The following ERBB4 variants were observed in gnomAD, a reference collection of about 807,000 sequenced individuals.
ERBB4 encodes the protein erb-b2 receptor tyrosine kinase 4.
A neutral mutation model predicts 158.0 loss-of-function variants in ERBB4; 42 were observed. The ratio of observed to expected loss-of-function variants is 0.27; its 90% CI spans 0.21 to 0.34. The LOEUF (loss-of-function observed/expected upper bound fraction) is 0.34, where lower values mean the gene tolerates loss of function less well. ERBB4 is among the 10% of genes least tolerant of loss of function. ERBB4 has a pLI of 1.00. For missense variants in ERBB4, 1,333 were observed against 1,624.1 expected (o/e 0.82, Z 3.08); for synonymous variants, 583 against 558.7 (o/e 1.04, Z -0.61).
chr2:212,215,512 T>C (rs986329354), intron 1 of ERBB4, among the ~76,000 whole-genome samples: 29 of 151,406 alleles, frequency 1.9e-4, no homozygotes, highest in African/African-American at 6.0e-4. Context: ...ATAAGTCTGG[T>C]ATATTTTATA....
At position 211,654,939 on chromosome 2, in the gene ERBB4, G is replaced by C. The variant is rs571149796; in HGVS notation, c.1946+2815C>G. Among the ~76,000 whole-genome samples the C allele has an allele frequency of 9.8e-5, 15 of 152,292 alleles. 1 individual carries two copies. In the South Asian group the frequency reaches 3.1e-3, roughly 32 times the overall value. On this transcript the variant is annotated intron_variant, in intron 16 of 27. Coordinates refer to ENST00000342788, the MANE Select transcript of ERBB4 (RefSeq NM_005235.3). The stretch of plus-strand genomic sequence containing the variant: ...TTAGTCTGAGATTACTGGAATCTCA[G>C]AGTGAATATGTCCTGGAAACCGAAG...
intron 1 of ERBB4, among the ~76,000 whole-genome samples, chr2:212,484,370 G>A (rs919092997): frequency 1.3e-5 from 2 of 151,788 alleles, no homozygotes; most frequent in Non-Finnish European, 2.9e-5. Flanking sequence ...TGAGTTACCC[G>A]TTCACATATA....
intron 20 of ERBB4, among the ~76,000 whole-genome samples, chr2:211,436,847 A>G (rs971585881): frequency 4.6e-5 from 7 of 152,204 alleles, no homozygotes; most frequent in African/African-American, 1.7e-4. Flanking sequence ...GAAGAAAGAA[A>G]AATTAGGAGA....
intron 3 of ERBB4, among the ~76,000 whole-genome samples, chr2:211,942,330 T>TTTTATTTATTTA (rs200095181): frequency 7.6e-4 from 111 of 145,826 alleles, no homozygotes; most frequent in African/African-American, 2.2e-3. Context: ...GGATGAAGCA[T>TTTTATTTATTTA]TTTATTTATT....
At chr2:212,097,536 G>T (rs916580693) in intron 2 of ERBB4, among the ~76,000 whole-genome samples, 1 of 152,130 alleles carries the variant, frequency 6.6e-6, no homozygotes, top group Non-Finnish European at 1.5e-5. Context: ...GGATTTAAGA[G>T]ATAGATTTGG....
chr2:211,778,685 C>T (rs1009205508), intron 4 of ERBB4: 1 of 152,182 alleles, frequency 6.6e-6, no homozygotes, highest in Non-Finnish European at 1.5e-5. Flanking sequence ...CATGCAGGAG[C>T]CTCTGTGAAC....
intron 20 of ERBB4, among the ~76,000 whole-genome samples, chr2:211,524,675 G>A (rs1296843172): frequency 5.0e-5 from 6 of 119,764 alleles, no homozygotes; most frequent in African/African-American, 9.3e-5. Flanking sequence ...CTCCGAGTGC[G>A]GGGCCGCCAA....
At chr2:211,524,077 T>C (rs1217891414) in intron 20 of ERBB4, among the ~76,000 whole-genome samples, 2 of 152,126 alleles carry the variant, frequency 1.3e-5, no homozygotes, top group African/African-American at 4.8e-5. Flanking sequence ...AGGGTGCTGA[T>C]TGGTGTGTTT....
At chr2:211,718,670 T>A (rs747800196) in intron 7 of ERBB4, among the ~76,000 whole-genome samples, 36 of 152,010 alleles carry the variant, frequency 2.4e-4, no homozygotes, top group Non-Finnish European at 4.3e-4. Context: ...ACTAAATTTA[T>A]ATACTACTGA....
intron 1 of ERBB4, among the ~76,000 whole-genome samples, chr2:212,180,305 T>G (rs532471251): frequency 9.9e-4 from 151 of 151,768 alleles, no homozygotes; most frequent in African/African-American, 3.6e-3. Flanking sequence ...TAAGCATATT[T>G]TTTTCTTGGA....
intron 1 of ERBB4, among the ~76,000 whole-genome samples, chr2:212,274,160 T>C (rs1345084048): frequency 2.6e-5 from 4 of 151,842 alleles, no homozygotes; most frequent in Non-Finnish European, 5.9e-5. Context: ...CTGTATATTA[T>C]CTCTTTACAA....
intron 2 of ERBB4, among the ~76,000 whole-genome samples, chr2:212,092,132 A>C (rs2078798108): frequency 1.3e-5 from 2 of 152,196 alleles, no homozygotes; most frequent in Admixed American, 1.3e-4. Flanking sequence ...CTTTCCTAAA[A>C]CTGCCTAATT....
At chr2:212,242,894 A>G (rs10207020) in intron 1 of ERBB4, among the ~76,000 whole-genome samples, 110,727 of 152,024 alleles carry the variant, frequency 0.73, 40,682 homozygotes, top group East Asian at 0.77. Context: ...AAGTACGGCT[A>G]AAGAAAGAAA....
At chr2:211,546,360 C>T (rs1356458851) in intron 20 of ERBB4, among the ~76,000 whole-genome samples, 3 of 152,062 alleles carry the variant, frequency 2.0e-5, no homozygotes, top group Non-Finnish European at 4.4e-5. Context: ...CATATACACA[C>T]ATATAGTATA....
chr2:211,569,142 T>C (rs2067639412), intron 19 of ERBB4, among the ~76,000 whole-genome samples: 1 of 152,178 alleles, frequency 6.6e-6, no homozygotes, highest in South Asian at 2.1e-4. Flanking sequence ...AGTCAGCACT[T>C]TTCCATCTCT....
intron 20 of ERBB4, among the ~76,000 whole-genome samples, chr2:211,484,026 A>T (rs75897542): frequency 0.097 from 14,696 of 152,208 alleles, 2,020 homozygotes; most frequent in African/African-American, 0.31. Context: ...CGCTGAAAGA[A>T]TTTAAAATCA....
At chr2:212,159,117 T>G (rs2081126841) in intron 1 of ERBB4, among the ~76,000 whole-genome samples, 1 of 151,938 alleles carries the variant, frequency 6.6e-6, no homozygotes, top group Non-Finnish European at 1.5e-5. Context: ...AGAGTAAAAA[T>G]CAGTCAATAA....
intron 3 of ERBB4, among the ~76,000 whole-genome samples, chr2:211,914,112 A>C (rs533876688): frequency 6.6e-6 from 1 of 151,742 alleles, no homozygotes; most frequent in South Asian, 2.1e-4. Context: ...TAAGTAAACA[A>C]GTATTCAAAA....
At chr2:211,895,712 G>A (rs781511894) in intron 3 of ERBB4, among the ~76,000 whole-genome samples, 1 of 151,974 alleles carries the variant, frequency 6.6e-6, no homozygotes, top group Non-Finnish European at 1.5e-5. Flanking sequence ...CTCCTTTACA[G>A]GAAAATTCCA....
Sources: allele counts gnomAD v4.1 joint callset (sites outside exome capture counted in the v4.1 genomes callset), GRCh38; gene constraint gnomAD v4.1.1; transcripts MANE v1.5; gene names NCBI Gene and HGNC (gene_info 2026-07-23, HGNC 2026-07-21).